TAFA2: variants seen among roughly 807,000 people sequenced by gnomAD.
The protein encoded by TAFA2 is chemokine-like protein TAFA-2.
Under a neutral mutation model 18.8 loss-of-function variants are expected in TAFA2, and 7 were observed. The observed-to-expected ratio is 0.37, with a 90% CI of 0.21 to 0.70. The LOEUF (loss-of-function observed/expected upper bound fraction) is 0.70, where lower values mean the gene tolerates loss of function less well. Ranked by LOEUF, TAFA2 falls within the 30% of genes least tolerant of loss-of-function variation. TAFA2 has a pLI of 0.53. For missense variants in TAFA2, 122 were observed against 158.1 expected (o/e 0.77, Z 1.23); for synonymous variants, 60 against 54.2 (o/e 1.11, Z -0.47).
At position 61,983,261 on chromosome 12, in the gene TAFA2, C is replaced by T. The variant is rs550863018; in HGVS notation, c.-1-115835G>A. Among the ~76,000 whole-genome samples, 9 of 152,238 alleles carry T rather than the reference C, an allele frequency of 5.9e-5. No homozygotes were observed. The South Asian group carries it at 1.0e-3, about 18-fold the overall frequency. On this transcript the variant is annotated intron_variant, in intron 1 of 4. Transcript: ENST00000416284. The stretch of plus-strand genomic sequence containing the variant: ...TAGGATTCAAAATCATATCCTTGGG[C>T]AAAAACAGCAGTACCATTTACAGTA...
intron 1 of TAFA2, among the ~76,000 whole-genome samples, chr12:62,044,700 A>G (rs113326052): frequency 1.3e-5 from 2 of 152,168 alleles, no homozygotes; most frequent in African/African-American, 4.8e-5. Context: ...ATGGGGGCCA[A>G]CTGGTTTTGG....
chr12:61,894,917 G>A (rs2018202), intron 1 of TAFA2, among the ~76,000 whole-genome samples: 72,532 of 151,938 alleles, frequency 0.48, 17,614 homozygotes, highest in African/African-American at 0.5. Flanking sequence ...GTTATGTATC[G>A]ATTTACACTG....
At chr12:62,034,311 GA>G (rs1158879129) in intron 1 of TAFA2, among the ~76,000 whole-genome samples, 2 of 152,114 alleles carry the variant, frequency 1.3e-5, no homozygotes, top group African/African-American at 4.8e-5. Context: ...CCGCCTGGCA[GA>G]TAAACCATAA....
At chr12:61,880,677 T>C (rs1875087879) in intron 1 of TAFA2, 4 of 355,790 alleles carry the variant, frequency 1.1e-5, no homozygotes, top group Admixed American at 3.5e-5. Flanking sequence ...CTCCAGCTAC[T>C]TCAGCCATAC....
At chr12:61,818,174 C>T (rs1345297085) in intron 2 of TAFA2, among the ~76,000 whole-genome samples, 1 of 152,190 alleles carries the variant, frequency 6.6e-6, no homozygotes, top group Non-Finnish European at 1.5e-5. Flanking sequence ...CCTCCTTACT[C>T]TTCATTAAAT....
chr12:61,854,690 C>T (rs1049848310), intron 2 of TAFA2, among the ~76,000 whole-genome samples: 1 of 152,006 alleles, frequency 6.6e-6, no homozygotes, highest in Non-Finnish European at 1.5e-5. Flanking sequence ...GAAATATCTT[C>T]AATATTCTAC....
chr12:61,796,181 A>G (rs898617011), intron 2 of TAFA2, among the ~76,000 whole-genome samples: 4 of 152,166 alleles, frequency 2.6e-5, no homozygotes, highest in Non-Finnish European at 4.4e-5. Context: ...CAGACTAGTT[A>G]ATGTTTATAC....
chr12:61,904,898 T>A (rs1252624215), intron 1 of TAFA2, among the ~76,000 whole-genome samples: 1 of 152,188 alleles, frequency 6.6e-6, no homozygotes, highest in Non-Finnish European at 1.5e-5. Flanking sequence ...AAGTCTTTGA[T>A]TCAATAAAAT....
At chr12:61,927,744 C>T (rs749165427) in intron 1 of TAFA2, among the ~76,000 whole-genome samples, 1 of 152,136 alleles carries the variant, frequency 6.6e-6, no homozygotes, top group African/African-American at 2.4e-5. Flanking sequence ...GGCATCATGC[C>T]ACTTGACTTC....
intron 4 of TAFA2, among the ~76,000 whole-genome samples, chr12:61,732,762 T>G (rs1479427754): frequency 1.3e-5 from 2 of 151,812 alleles, no homozygotes; most frequent in Admixed American, 6.6e-5. Flanking sequence ...TGTGCGTGCG[T>G]GCGTGCATGT....
intron 1 of TAFA2, among the ~76,000 whole-genome samples, chr12:61,904,507 A>G (rs1206901149): frequency 3.9e-5 from 6 of 152,164 alleles, no homozygotes; most frequent in Non-Finnish European, 7.3e-5. Context: ...GGCTCTAAAA[A>G]TAAAGTAAGA....
At position 62,161,949 on chromosome 12, in the gene TAFA2, T is replaced by C. The variant is rs563097443; in HGVS notation, c.-2+29310A>G. 2.0e-5 allele frequency among the ~76,000 whole-genome samples: 3 copies of C among 152,328 alleles called. No individual in the cohort carries two copies. The East Asian group carries it at 5.8e-4, about 29-fold the overall frequency. On this transcript the variant is annotated intron_variant, in intron 1 of 4. Coordinates refer to ENST00000416284, the MANE Select transcript of TAFA2 (RefSeq NM_178539.5). ...CTAAATCAATTAGCCTATGGTAAAA[T>C]TGATTTCATTATACATCATTTCACT...
chr12:61,789,860 T>C (rs1870898776), intron 2 of TAFA2, among the ~76,000 whole-genome samples: 1 of 151,822 alleles, frequency 6.6e-6, no homozygotes. Flanking sequence ...TCCAAACCCA[T>C]TCTGCAAGGC....
At chr12:61,993,323 A>G (rs1880071980) in intron 1 of TAFA2, among the ~76,000 whole-genome samples, 1 of 152,196 alleles carries the variant, frequency 6.6e-6, no homozygotes, top group Non-Finnish European at 1.5e-5. Context: ...TAAAGCTCTT[A>G]AAGTTTATAA....
chr12:62,020,434 A>G (rs1881091124), intron 1 of TAFA2, among the ~76,000 whole-genome samples: 1 of 152,234 alleles, frequency 6.6e-6, no homozygotes, highest in Non-Finnish European at 1.5e-5. Flanking sequence ...GAAAACTTAA[A>G]AAGAATGAAA....
chr12:61,839,889 A>G (rs1873100399), intron 2 of TAFA2, among the ~76,000 whole-genome samples: 1 of 152,116 alleles, frequency 6.6e-6, no homozygotes, highest in African/African-American at 2.4e-5. Flanking sequence ...AAAATAAGGC[A>G]TAAGAGAAGG....
chr12:61,918,398 G>GA (rs754160109), intron 1 of TAFA2, among the ~76,000 whole-genome samples: 5 of 151,942 alleles, frequency 3.3e-5, no homozygotes, highest in Non-Finnish European at 5.9e-5. Context: ...AAATAAGTGA[G>GA]AAAATGTGAA....
intron 2 of TAFA2, among the ~76,000 whole-genome samples, chr12:61,817,058 AAG>A (rs777061410): frequency 6.6e-6 from 1 of 151,280 alleles, no homozygotes; most frequent in Non-Finnish European, 1.5e-5. Flanking sequence ...AGTCTATTTG[AAG>A]AGACTACACA....
chr12:61,724,801 G>GTATACAACAGATGGGTGTATATGTA (rs1870078209), intron 4 of TAFA2, among the ~76,000 whole-genome samples: 1 of 110,390 alleles, frequency 9.1e-6, no homozygotes, highest in African/African-American at 3.7e-5. Flanking sequence ...GTGTGTGTGT[G>GTATACAACAGATGGGTGTATATGTA]TATACACCAG....
Sources: allele counts gnomAD v4.1 joint callset (sites outside exome capture counted in the v4.1 genomes callset), GRCh38; gene constraint gnomAD v4.1.1; transcripts MANE v1.5; gene names NCBI Gene and HGNC (gene_info 2026-07-23, HGNC 2026-07-21).